GPC5: variants seen among roughly 807,000 people sequenced by gnomAD.
GPC5 encodes the protein glypican-5.
In GPC5, 47 loss-of-function variants were observed where a neutral mutation model predicts 53.9. The ratio of observed to expected loss-of-function variants is 0.87; its 90% confidence interval spans 0.69 to 1.11. GPC5 has a LOEUF of 1.11. GPC5 is among the 50% of genes most tolerant of loss of function. The pLI is 0.00. For missense variants in GPC5, 748 were observed against 713.1 expected (o/e 1.05, Z -0.56); for synonymous variants, 286 against 263.3 (o/e 1.09, Z -0.84).
intron 6 of GPC5, among the ~76,000 whole-genome samples, chr13:92,041,592 A>G (rs1256345499): frequency 2.6e-5 from 4 of 152,124 alleles, no homozygotes; most frequent in Admixed American, 2.6e-4. Flanking sequence ...TGCCCCCCTA[A>G]AGCTGTGTCC....
intron 6 of GPC5, among the ~76,000 whole-genome samples, chr13:91,947,708 T>C (rs2039986682): frequency 6.6e-6 from 1 of 151,994 alleles, no homozygotes; most frequent in Non-Finnish European, 1.5e-5. Flanking sequence ...GTTAAAATTA[T>C]TTAGTAGATT....
At chr13:92,360,509 A>G (rs191142969) in intron 7 of GPC5, among the ~76,000 whole-genome samples, 1 of 151,718 alleles carries the variant, frequency 6.6e-6, no homozygotes, top group Admixed American at 6.6e-5. Flanking sequence ...TGACAAACCG[A>G]CAGCCAACAT....
At chr13:92,458,317 T>TG (rs34534569) in intron 7 of GPC5, among the ~76,000 whole-genome samples, 50,099 of 123,440 alleles carry the variant, frequency 0.41, 9,387 homozygotes, top group Middle Eastern at 0.53. Flanking sequence ...GGGGGCAGGG[T>TG]GGGGGATGAA....
intron 1 of GPC5, among the ~76,000 whole-genome samples, chr13:91,416,088 C>T: frequency 6.6e-6 from 1 of 152,060 alleles, no homozygotes; most frequent in Non-Finnish European, 1.5e-5. Context: ...AATTACCCTG[C>T]AGTGTAGCAG....
rs575597262 is a variant in GPC5 at position 92,556,662 on chromosome 13, C to A, written c.1562-309620C>A. On this transcript the variant is annotated intron_variant, in intron 7 of 7. Transcript: ENST00000377067. ...CAGAGAGCAAAGACAAGTGTTCAAC[C>A]CCTTTTTTTAATGTAGTAATTTTTT... 3.3e-5 allele frequency among the ~76,000 whole-genome samples: 5 copies of A among 151,684 alleles called. No homozygotes were observed. The South Asian group carries it at 1.0e-3, about 32-fold the overall frequency.
At chr13:92,031,830 TATATA>T (rs1432079042) in intron 6 of GPC5, among the ~76,000 whole-genome samples, 1 of 108,682 alleles carries the variant, frequency 9.2e-6, no homozygotes, top group Non-Finnish European at 1.7e-5. Context: ...TTATATATAA[TATATA>T]ATATATTACA....
At chr13:91,422,405 G>C (rs1322296253) in intron 1 of GPC5, among the ~76,000 whole-genome samples, 1 of 152,146 alleles carries the variant, frequency 6.6e-6, no homozygotes, top group African/African-American at 2.4e-5. Context: ...GGAGGCCGAG[G>C]TGGGTGGATC....
At chr13:91,903,167 T>G (rs1325548704) in intron 5 of GPC5, among the ~76,000 whole-genome samples, 1 of 152,048 alleles carries the variant, frequency 6.6e-6, no homozygotes, top group Non-Finnish European at 1.5e-5. Context: ...CGTTTTAAAA[T>G]TTTTAGTAAA....
chr13:92,711,332 G>A (rs1420250693), intron 7 of GPC5, among the ~76,000 whole-genome samples: 1 of 152,070 alleles, frequency 6.6e-6, no homozygotes, highest in African/African-American at 2.4e-5. Context: ...CAAAATACTT[G>A]CCTCAACTTG....
chr13:92,413,313 T>C (rs563330758), intron 7 of GPC5, among the ~76,000 whole-genome samples: 2 of 152,334 alleles, frequency 1.3e-5, no homozygotes, highest in South Asian at 4.1e-4. Flanking sequence ...GAGACTTAAA[T>C]GTTATCAGCA....
chr13:92,858,495 A>C (rs1879078895), intron 7 of GPC5, among the ~76,000 whole-genome samples: 3 of 152,330 alleles, frequency 2.0e-5, no homozygotes, highest in South Asian at 4.1e-4. Flanking sequence ...AAAATGACAT[A>C]GTGTCCTTTG....
At chr13:91,929,363 T>C (rs1461943079) in intron 6 of GPC5, among the ~76,000 whole-genome samples, 2 of 152,098 alleles carry the variant, frequency 1.3e-5, no homozygotes, top group Non-Finnish European at 2.9e-5. Flanking sequence ...GGCAGGGTTT[T>C]CTTAGGGAAT....
At chr13:91,813,972 A>G (rs1215855693) in intron 5 of GPC5, among the ~76,000 whole-genome samples, 25 of 115,934 alleles carry the variant, frequency 2.2e-4, no homozygotes, top group African/African-American at 7.8e-4. Flanking sequence ...TTGCTCTGTC[A>G]CCCAGGCTGG....
At chr13:91,520,107 T>A (rs1264233508) in intron 2 of GPC5, among the ~76,000 whole-genome samples, 3 of 151,468 alleles carry the variant, frequency 2.0e-5, no homozygotes, top group East Asian at 3.9e-4. Context: ...AGTGGAACCA[T>A]AAAAAAAAAT....
At chr13:92,688,278 C>T (rs1204289062) in intron 7 of GPC5, among the ~76,000 whole-genome samples, 1 of 87,578 alleles carries the variant, frequency 1.1e-5, no homozygotes, top group African/African-American at 5.2e-5. Flanking sequence ...TCAACTTCTT[C>T]CTGGTTTAGT....
At position 92,436,490 on chromosome 13, in the gene GPC5, A is replaced by G. The variant is rs557545460; in HGVS notation, c.1561+291501A>G. On this transcript the variant is annotated intron_variant, in intron 7 of 7. Transcript: ENST00000377067. ...AATATGCAAAATCTCAGCTCTTCAC[A>G]GTTCTTGGCACTATTTTCCCAATTC... Among the ~76,000 whole-genome samples the G allele has an allele frequency of 7.9e-5, 12 of 152,234 alleles. No homozygotes were observed. In the East Asian group the frequency reaches 2.1e-3, roughly 27 times the overall value.
intron 7 of GPC5, among the ~76,000 whole-genome samples, chr13:92,626,411 A>G (rs12875413): frequency 0.16 from 24,715 of 152,142 alleles, 2,495 homozygotes; most frequent in Middle Eastern, 0.22. Flanking sequence ...TGAGAGGGCA[A>G]GAGGGCACTC....
At chr13:92,718,243 C>A (rs1342611742) in intron 7 of GPC5, among the ~76,000 whole-genome samples, 2 of 152,134 alleles carry the variant, frequency 1.3e-5, no homozygotes, top group Non-Finnish European at 2.9e-5. Flanking sequence ...AAATGTAGAT[C>A]TGTACTACCA....
At chr13:91,976,916 G>A (rs1395358885) in intron 6 of GPC5, among the ~76,000 whole-genome samples, 1 of 152,054 alleles carries the variant, frequency 6.6e-6, no homozygotes, top group Non-Finnish European at 1.5e-5. Context: ...GCACACACCT[G>A]TAGTCCCAGA....
Sources: gnomAD v4.1 joint callset for allele counts (sites outside exome capture counted in the v4.1 genomes callset) on GRCh38, gnomAD v4.1.1 for gene constraint, MANE v1.5 for transcripts, NCBI Gene and HGNC (gene_info 2026-07-23, HGNC 2026-07-21) for gene names.